CCM2L: variants seen among roughly 807,000 people sequenced by gnomAD.
The protein encoded by CCM2L is cerebral cavernous malformations 2 protein-like.
A neutral mutation model predicts 54.1 loss-of-function variants in CCM2L; 36 were observed. The observed-to-expected ratio is 0.67, with a 90% CI of 0.51 to 0.88. The LOEUF (loss-of-function observed/expected upper bound fraction) is 0.88, where lower values mean the gene tolerates loss of function less well. Among genes scored for constraint, CCM2L ranks in the 40% least tolerant of loss-of-function variants. The pLI, the probability that CCM2L is intolerant of heterozygous loss-of-function variation, is 0.00. For missense variants in CCM2L, 700 were observed against 812.1 expected (o/e 0.86, Z 1.68); for synonymous variants, 351 against 359.3 (o/e 0.98, Z 0.26).
chr20:32,024,429 T>G (rs1304364227), intron 6 of CCM2L, among the ~76,000 whole-genome samples: 2 of 152,368 alleles, frequency 1.3e-5, no homozygotes, highest in Middle Eastern at 3.4e-3. Context: ...GATCCAGTGC[T>G]AATCAGTAGG....
chr20:32,014,970 AG>A lies in CCM2L; in HGVS notation c.98del (p.Ser33ThrfsTer2), dbSNP rs745790846. ...CGGGCGCCGGGCAGCCTGTAGGAGC[AG>A]CGTGAGCCGCCGGCCCCTGCACTCG... The part of the protein sequence containing the change: ...KAGRRAACRS[S>X]VSRRPLHSMP... On this transcript the variant is annotated frameshift_variant, in exon 2 of 10. Transcript: ENST00000452892. LOFTEE classifies it high-confidence loss of function. The A allele has an allele frequency of 6.3e-7, 1 of 1,598,462 alleles. No individual in the cohort carries two copies. Among genetic ancestry groups the A allele is most frequent in the Admixed American group, 1.7e-5 (1 of 57,874 alleles).
In CCM2L at chr20:32,022,880, AT is replaced by A. The variant is rs1423778792; in HGVS notation, c.1069+86del. 1.9e-5 allele frequency: 29 copies of A among 1,501,308 alleles called. No homozygotes were observed. The African/African-American group carries it at 3.7e-4, about 19-fold the overall frequency. 93.0% of individuals were successfully genotyped at this position (1,501,308 alleles called of 1,614,324 possible). ...GGAAGATGTCCCAGGACTTGGGCTG[AT>A]GAAGGTATTTAGGGCTCCTGATCTC... On this transcript the variant is annotated intron_variant, in intron 6 of 9. Coordinates refer to ENST00000452892, the MANE Select transcript of CCM2L (RefSeq NM_001365692.1).
chr20:32,031,173 C>A lies in CCM2L; in HGVS notation c.1575C>A (p.Pro525=). Reference sequence around the variant, plus strand: ...GCTACGATGGCGCGGCGCAGCGGCCCGAGGCACAGGCCTTCCACCGGCTGC... The same window carrying A: ...GCTACGATGGCGCGGCGCAGCGGCCAGAGGCACAGGCCTTCCACCGGCTGC... ...VRSYDGAAQR[P]EAQAFHRLLA... is the part of the protein sequence containing the mutation. The change falls in exon 10 of 10, where the codon CCC becomes CCA. Residue 525 remains proline, a synonymous_variant. Coordinates refer to ENST00000452892, the MANE Select transcript of CCM2L (RefSeq NM_001365692.1). 1.5e-6 allele frequency: 2 copies of A among 1,302,324 alleles called. No homozygotes were observed. The highest frequency in any genetic ancestry group is 2.0e-6 in the Non-Finnish European group (2 of 988,478). The allele number at this position is 1,302,324 out of a possible 1,614,324, so 80.7% of individuals were successfully genotyped here. A position where few individuals can be genotyped will look rare whatever the true frequency, so the allele number is the denominator to read the frequency against.
intron 6 of CCM2L, among the ~76,000 whole-genome samples, chr20:32,025,073 TTCTTTCTTTC>T (rs995090799): frequency 8.8e-5 from 13 of 147,026 alleles, no homozygotes; most frequent in African/African-American, 3.5e-4. Flanking sequence ...CTTTCTTTCT[TTCTTTCTTTC>T]TCTCTTTCTT....
At chr20:32,023,203 C>T (rs902259469) in intron 6 of CCM2L, among the ~76,000 whole-genome samples, 17 of 152,096 alleles carry the variant, frequency 1.1e-4, no homozygotes, top group Non-Finnish European at 2.1e-4. Flanking sequence ...AACTCCTGAC[C>T]TCATGATCCA....
chr20:32,022,210 C>T (rs999482117), intron 5 of CCM2L, among the ~76,000 whole-genome samples: 7 of 152,190 alleles, frequency 4.6e-5, no homozygotes, highest in African/African-American at 1.7e-4. Flanking sequence ...CTAGGAAGCT[C>T]ATATCTAAAT....
At position 32,014,905 on chromosome 20, in the gene CCM2L, G is replaced by A. The variant is rs1197789811; in HGVS notation, c.32G>A (p.Gly11Asp). ...TCTCATTCCTCCTCTCCTCCCCAGG[G>A]CTTTGTATCCCCCATCCGAAGGCTG... is the stretch of plus-strand genomic sequence containing the variant. The part of the protein sequence containing the change: MEYEVKKGKK[G>D]FVSPIRRLVF... Residue 11 changes from glycine (G) to aspartate (D), a missense_variant and splice_region_variant, in exon 2 of 10, where the codon GGC (glycine) becomes GAC (aspartate). By Grantham distance (94) the Gly-to-Asp change is moderately conservative. Coordinates refer to ENST00000452892, the MANE Select transcript of CCM2L (RefSeq NM_001365692.1). The A allele has an allele frequency of 6.3e-7, 1 of 1,598,212 alleles. No individual in the cohort carries two copies. The highest frequency in any genetic ancestry group is 1.1e-5 in the South Asian group (1 of 90,044).
intron 6 of CCM2L, among the ~76,000 whole-genome samples, 190 bp from the exon 7 acceptor site, chr20:32,025,666 G>T (rs907941277): frequency 3.3e-5 from 5 of 152,176 alleles, no homozygotes; most frequent in African/African-American, 1.2e-4. Context: ...TAGGTGGGGG[G>T]TGGTATTGTC....
In CCM2L at chr20:32,031,468, A is replaced by G; in HGVS notation, c.*154A>G. ...CTCCCTGCCCTTGGGGCCCGGGGCC[A>G]TGCAGTACCTGGAGTGTCCTGCAGG... is the stretch of plus-strand genomic sequence containing the variant. On this transcript the variant is annotated 3_prime_UTR_variant, in exon 10 of 10. Coordinates refer to ENST00000452892, the MANE Select transcript of CCM2L (RefSeq NM_001365692.1). The G allele has an allele frequency of 1.9e-6, 1 of 524,744 alleles. No homozygotes were observed. The highest frequency in any genetic ancestry group is 3.0e-6 in the Non-Finnish European group (1 of 338,698). The allele number at this position is 524,744 out of a possible 1,614,324, so 32.5% of individuals were successfully genotyped here.
At chr20:32,027,013 T>C (rs1400671133) in intron 7 of CCM2L, among the ~76,000 whole-genome samples, 1 of 152,168 alleles carries the variant, frequency 6.6e-6, no homozygotes, top group African/African-American at 2.4e-5. Context: ...GGAGACCCTG[T>C]CTCTATTGAA....
At chr20:32,020,445 T>A (rs1187512552) in intron 5 of CCM2L, among the ~76,000 whole-genome samples, 1 of 152,202 alleles carries the variant, frequency 6.6e-6, no homozygotes, top group Non-Finnish European at 1.5e-5. Flanking sequence ...CTCTCCTCCA[T>A]CTATCCTTCA....
chr20:32,010,652 C>G (rs1568904905), intron 1 of CCM2L, among the ~76,000 whole-genome samples, 168 bp downstream of exon 1: 2 of 152,100 alleles, frequency 1.3e-5, no homozygotes, highest in South Asian at 4.1e-4. Flanking sequence ...CAGTCAGGCT[C>G]TAAACTCCCT....
chr20:32,031,231 GC>G lies in CCM2L; in HGVS notation c.1638del (p.Asp547MetfsTer40), dbSNP rs764167579. 2 of 1,299,454 alleles carry G rather than the reference GC, an allele frequency of 1.5e-6. No individual in the cohort carries two copies. 80.5% of individuals were successfully genotyped at this position (1,299,454 alleles called of 1,614,324 possible). A position where few individuals can be genotyped will look rare whatever the true frequency, so the allele number is the denominator to read the frequency against. On this transcript the variant is annotated frameshift_variant, in exon 10 of 10. Transcript: ENST00000452892. LOFTEE classifies it low-confidence loss of function (END_TRUNC). The stretch of plus-strand genomic sequence containing the variant: ...CATCACGCACGACATCGAGGCGCTG[GC>G]CCCCGATGACGACGACGACGACGAG... ...ADITHDIEAL[A>X]PDDDDDDEDE...
At chr20:32,013,556 C>A (rs1370224445) in intron 1 of CCM2L, among the ~76,000 whole-genome samples, 1 of 152,128 alleles carries the variant, frequency 6.6e-6, no homozygotes, top group Non-Finnish European at 1.5e-5. Context: ...ATCCTCCCAC[C>A]TTGGCCTCCC....
At chr20:32,025,464 C>G (rs550277907) in intron 6 of CCM2L, among the ~76,000 whole-genome samples, 1 of 152,212 alleles carries the variant, frequency 6.6e-6, no homozygotes, top group Admixed American at 6.5e-5. Flanking sequence ...AATAAGGTCG[C>G]TCTATGTTGT....
chr20:32,022,911 A>G (rs962827223), intron 6 of CCM2L, 116 bp downstream of exon 6: 32 of 1,110,260 alleles, frequency 2.9e-5, no homozygotes, highest in Middle Eastern at 6.1e-4. Context: ...GATCTCTGCC[A>G]TAATTACAGT....
intron 1 of CCM2L, 22 bp downstream of exon 1, chr20:32,010,506 A>G: frequency 7.4e-7 from 1 of 1,356,786 alleles, no homozygotes; most frequent in East Asian, 4.3e-5. Flanking sequence ...GTTGGGAGGG[A>G]CGAAGGGAGA....
intron 2 of CCM2L, among the ~76,000 whole-genome samples, chr20:32,016,601 A>T (rs1025922150): frequency 6.6e-6 from 1 of 151,968 alleles, no homozygotes; most frequent in Non-Finnish European, 1.5e-5. Context: ...GGCTGCGGTG[A>T]GCCGAGCTCA....
At chr20:32,026,891 GAA>G (rs1284106363) in intron 7 of CCM2L, among the ~76,000 whole-genome samples, 1 of 146,814 alleles carries the variant, frequency 6.8e-6, no homozygotes, top group African/African-American at 2.5e-5. Context: ...AAAAAAAAAA[GAA>G]AAATTCAGGC....
Sources: gnomAD v4.1 joint callset for allele counts (sites outside exome capture counted in the v4.1 genomes callset) on GRCh38, gnomAD v4.1.1 for gene constraint, MANE v1.5 for transcripts, NCBI Gene and HGNC (gene_info 2026-07-23, HGNC 2026-07-21) for gene names.